The following ERVW-1 variants were observed in gnomAD, a reference collection of about 807,000 sequenced individuals.
ERVW-1 encodes the protein syncytin-1.
ERVW-1 carries 21 observed loss-of-function variants against 16.6 expected under a neutral mutation model. That is an observed-to-expected ratio of 1.26 (90% confidence interval 0.90 to 1.82). The LOEUF is 1.82. ERVW-1 is among the 40% of genes most tolerant of loss of function. The pLI is 0.00. For synonymous variants in ERVW-1, 161 were observed against 109.8 expected, an observed-to-expected ratio of 1.47 and a Z score of -2.92; for missense variants, 412 against 300.2, an observed-to-expected ratio of 1.37 and a Z score of -2.75.
Position 92,470,047 on chromosome 7 carries a change from G to T in ERVW-1, c.335C>A (p.Thr112Asn), listed in dbSNP as rs757185239. The change falls in exon 2 of 2, where the codon ACT becomes AAT. Residue 112 changes from threonine to asparagine, a missense_variant. By Grantham distance (65) the Thr-to-Asn change is moderately conservative. Transcript: ENST00000603053. ...VTVCWTYFTQ[T>N]GMSDGGGVQD... ...AACTCCACCCCCATCAGACATACCAGTTTGGGTGAAGTAAGTCCAACAGAC... is the reference window on the plus strand; with the variant it reads ...AACTCCACCCCCATCAGACATACCATTTTGGGTGAAGTAAGTCCAACAGAC... 21 of 778,660 alleles carry T rather than the reference G, an allele frequency of 2.7e-5. No homozygotes were observed. In the African/African-American group the frequency reaches 2.7e-4, roughly 10 times the overall value. The allele number at this position is 778,660 out of a possible 1,614,324, so 48.2% of individuals were successfully genotyped here.
chr7:92,473,579 T>G (rs1305405487), intron 1 of ERVW-1, among the ~76,000 whole-genome samples: 1 of 152,112 alleles, frequency 6.6e-6, no homozygotes. Flanking sequence ...TAATGGCCCC[T>G]GCTTTTGCTA....
At position 92,469,582 on chromosome 7, in the gene ERVW-1, C is replaced by T. The variant is rs1790239194; in HGVS notation, c.800G>A (p.Gly267Glu). 1.3e-6 allele frequency: 1 copy of T among 764,716 alleles called. No individual in the cohort carries two copies. Among genetic ancestry groups the T allele is most frequent in the Non-Finnish European group, 2.4e-6 (1 of 417,864 alleles). The allele number at this position is 764,716 out of a possible 1,614,324, so 47.4% of individuals were successfully genotyped here. The part of the protein sequence containing the change: ...PPTQIVCLPS[G>E]IFFVCGTSAY... Reference sequence around the variant, plus strand: ...TGAGGTACCACAGACAAAAAATATTCCTGAGGGTAGGCAGACTATTTGTGT... The same window carrying T: ...TGAGGTACCACAGACAAAAAATATTTCTGAGGGTAGGCAGACTATTTGTGT... Residue 267 changes from glycine (G) to glutamate (E), a missense_variant, in exon 2 of 2, where the codon GGA becomes GAA. Physicochemically the swap from Gly to Glu is moderately conservative, Grantham distance 98. Transcript: ENST00000603053.
In ERVW-1 at chr7:92,469,166, A is replaced by G. The variant is rs1220847297; in HGVS notation, c.1216T>C (p.Tyr406His). ...ACGATTCCGGATTGATTAACATAAT[A>G]ACAGCATTCTTCCCCTAAAAATAAA... is the stretch of plus-strand genomic sequence containing the variant. ...TCLFLGEECC[Y>H]YVNQSGIVTE... Residue 406 changes from tyrosine to histidine, a missense_variant, in exon 2 of 2, where the codon TAT becomes CAT. Coordinates refer to ENST00000603053, the MANE Select transcript of ERVW-1 (RefSeq NM_001130925.2). The G allele has an allele frequency of 1.1e-5, 8 of 709,992 alleles. No individual in the cohort carries two copies. Among genetic ancestry groups the G allele is most frequent in the Non-Finnish European group, 2.1e-5 (8 of 389,514 alleles). The allele number at this position is 709,992 out of a possible 1,614,324, so 44.0% of individuals were successfully genotyped here.
At position 92,470,612 on chromosome 7, in the gene ERVW-1, G is replaced by A; in HGVS notation, c.-227-4C>T. ...TAGGGTCCTTCCCAGGATGTATCTA[G>A]GGATGGGGAATTAGAGGGAAGGGAC... On this transcript the variant is annotated splice_region_variant and splice_polypyrimidine_tract_variant and intron_variant, in intron 1 of 1. Coordinates refer to ENST00000603053, the MANE Select transcript of ERVW-1 (RefSeq NM_001130925.2). 2.3e-6 allele frequency: 1 copy of A among 443,410 alleles called. No individual in the cohort carries two copies. The highest frequency in any genetic ancestry group is 4.1e-6 in the Non-Finnish European group (1 of 244,380). 27.5% of individuals were successfully genotyped at this position (443,410 alleles called of 1,614,324 possible).
chr7:92,476,106 C>G (rs1387888646), intron 1 of ERVW-1, among the ~76,000 whole-genome samples: 2 of 152,156 alleles, frequency 1.3e-5, no homozygotes, highest in Non-Finnish European at 2.9e-5. Flanking sequence ...CTGGTCGGAC[C>G]TTTGTATGGT....
Position 92,470,499 on chromosome 7 carries a change from C to T in ERVW-1, c.-118G>A. ...CTCCTGGATTTTCAGGTTCCTTTGG[C>T]AGTATCCAGGATTTGACTCAAGTGT... On this transcript the variant is annotated 5_prime_UTR_variant, in exon 2 of 2. Transcript: ENST00000603053. 1.7e-6 allele frequency: 1 copy of T among 597,968 alleles called. No individual in the cohort carries two copies. Among genetic ancestry groups the T allele is most frequent in the African/African-American group, 1.9e-5 (1 of 53,794 alleles). 37.0% of individuals were successfully genotyped at this position (597,968 alleles called of 1,614,324 possible).
rs761805886 is a variant in ERVW-1 at position 92,468,496 on chromosome 7, C to T, written c.*269G>A. The stretch of plus-strand genomic sequence containing the variant: ...CGAAGACTTGGGTTTATATCCCGAT[C>T]ATTGTCCCTCCTGCTGTGCTCTCAG... On this transcript the variant is annotated 3_prime_UTR_variant, in exon 2 of 2. Transcript: ENST00000603053. 1.0e-5 allele frequency: 3 copies of T among 288,128 alleles called. No homozygotes were observed. The highest frequency in any genetic ancestry group is 2.2e-5 in the African/African-American group (1 of 45,190). 17.8% of individuals were successfully genotyped at this position (288,128 alleles called of 1,614,324 possible).
rs368189106 is a variant in ERVW-1, at chr7:92,471,876, T to C, written c.-227-1268A>G. ...TAGGTAAGCATATTTAGAGTCTGTA[T>C]ATATATTTGCCCTTTTTTCTTCTCC... is the stretch of plus-strand genomic sequence containing the variant. On this transcript the variant is annotated intron_variant, in intron 1 of 1. Coordinates refer to ENST00000603053, the MANE Select transcript of ERVW-1 (RefSeq NM_001130925.2). 239 of 152,326 alleles carry C rather than the reference T, an allele frequency of 1.6e-3. 3 individuals are homozygous for C. Among genetic ancestry groups the C allele is most frequent in the African/African-American group, 5.6e-3 (232 of 41,568 alleles). The allele number at this position is 152,326 out of a possible 1,614,324, so 9.4% of individuals were successfully genotyped here. A position where few individuals can be genotyped will look rare whatever the true frequency, so the allele number is the denominator to read the frequency against.
Position 92,469,475 on chromosome 7 carries a change from G to A in ERVW-1, c.907C>T (p.Gln303Ter), listed in dbSNP as rs755860362. The A allele has an allele frequency of 3.9e-6, 3 of 767,768 alleles. No individual in the cohort carries two copies. The highest frequency in any genetic ancestry group is 7.2e-6 in the Non-Finnish European group (3 of 414,154). The allele number at this position is 767,768 out of a possible 1,614,324, so 47.6% of individuals were successfully genotyped here. The change falls in exon 2 of 2, where the codon CAA becomes TAA. Residue 303 changes from glutamine to a stop codon, truncating the protein, a stop_gained. Transcript: ENST00000603053. LOFTEE classifies it high-confidence loss of function. ...GATATGACATAACTGTATAAATCTT[G>A]TTCAGTGTAGATGGTCATAGGGGGC... is the stretch of plus-strand genomic sequence containing the variant. Reference protein sequence around the residue: ...LVPPMTIYTEQDLYSYVISKP... With the variant: ...LVPPMTIYTE
chr7:92,477,472 T>G lies in ERVW-1; in HGVS notation c.-318A>C, dbSNP rs2115978669. ...AGATGGTGGTGAACCACTTCCAAGA[T>G]GGTAGCAGGCCGCTTCCAAGATGGT... On this transcript the variant is annotated 5_prime_UTR_variant, in exon 1 of 2. Transcript: ENST00000603053. The G allele has an allele frequency of 6.6e-6, 1 of 152,412 alleles. No homozygotes were observed. Among genetic ancestry groups the G allele is most frequent in the East Asian group, 1.9e-4 (1 of 5,194 alleles). The allele number at this position is 152,412 out of a possible 1,614,324, so 9.4% of individuals were successfully genotyped here. A position where few individuals can be genotyped will look rare whatever the true frequency, so the allele number is the denominator to read the frequency against.
rs1046035790 is a variant in ERVW-1, at chr7:92,470,275, T to A, written c.107A>T (p.Glu36Val). ...RCMTSSSPYQ[E>V]FLWRMQRPGN... Reference sequence around the variant, plus strand: ...GGGACGCTGCATTCTCCATAGAAACTCTTGGTAAGGGGAGCTACTGGTCAT... The same window carrying A: ...GGGACGCTGCATTCTCCATAGAAACACTTGGTAAGGGGAGCTACTGGTCAT... Residue 36 changes from glutamate to valine, a missense_variant, in exon 2 of 2, where the codon GAG becomes GTG. By Grantham distance (121) the Glu-to-Val change is moderately radical. Coordinates refer to ENST00000603053, the MANE Select transcript of ERVW-1 (RefSeq NM_001130925.2). 5.1e-6 allele frequency: 4 copies of A among 778,380 alleles called. No homozygotes were observed. The highest frequency in any genetic ancestry group is 9.6e-6 in the Non-Finnish European group (4 of 417,860). The allele number at this position is 778,380 out of a possible 1,614,324, so 48.2% of individuals were successfully genotyped here.
At position 92,469,869 on chromosome 7, in the gene ERVW-1, G is replaced by T. The variant is rs200286887; in HGVS notation, c.513C>A (p.Thr171=). The part of the protein sequence containing the change: ...HTRLVSLFNT[T]LTGLHEVSAQ... ...CCGAGACCTCATGGAGCCCAGTGAGGGTGGTATTAAATAGGCTTACCAGGC... is the reference window on the plus strand; with the variant it reads ...CCGAGACCTCATGGAGCCCAGTGAGTGTGGTATTAAATAGGCTTACCAGGC... The change falls in exon 2 of 2, where the codon ACC becomes ACA. Residue 171 remains threonine, a synonymous_variant. Transcript: ENST00000603053. The T allele has an allele frequency of 7.7e-6, 6 of 777,250 alleles. No homozygotes were observed. Among genetic ancestry groups the T allele is most frequent in the Non-Finnish European group, 1.4e-5 (6 of 417,874 alleles). 48.1% of individuals were successfully genotyped at this position (777,250 alleles called of 1,614,324 possible).
At chr7:92,471,525 C>T (rs1357257683) in intron 1 of ERVW-1, 7 of 152,228 alleles carry the variant, frequency 4.6e-5, no homozygotes, top group East Asian at 1.9e-4. Context: ...AAACTGTCCT[C>T]GTGAGGTTCC....
chr7:92,470,023 A>G lies in ERVW-1; in HGVS notation c.359T>C (p.Val120Ala). 1.3e-6 allele frequency: 1 copy of G among 777,980 alleles called. No individual in the cohort carries two copies. Among genetic ancestry groups the G allele is most frequent in the South Asian group, 1.3e-5 (1 of 74,480 alleles). The allele number at this position is 777,980 out of a possible 1,614,324, so 48.2% of individuals were successfully genotyped here. A position where few individuals can be genotyped will look rare whatever the true frequency, so the allele number is the denominator to read the frequency against. ...ATGTTTTTCTCTTGCCTGATCTTGA[A>G]CTCCACCCCCATCAGACATACCAGT... ...TQTGMSDGGG[V>A]QDQAREKHVK... Residue 120 changes from valine (V) to alanine (A), a missense_variant, in exon 2 of 2, where the codon GTT becomes GCT. By Grantham distance (64) the Val-to-Ala change is moderately conservative. Coordinates refer to ENST00000603053, the MANE Select transcript of ERVW-1 (RefSeq NM_001130925.2).
In ERVW-1 at chr7:92,469,952, T is replaced by A. The variant is rs1790266370; in HGVS notation, c.430A>T (p.Ser144Cys). 1 of 777,718 alleles carries A rather than the reference T, an allele frequency of 1.3e-6. No homozygotes were observed. The highest frequency in any genetic ancestry group is 1.7e-5 in the African/African-American group (1 of 59,048). The allele number at this position is 777,718 out of a possible 1,614,324, so 48.2% of individuals were successfully genotyped here. Reference protein sequence around the residue: ...SQLTRVHGTSSPYKGLDLSKL... With the variant: ...SQLTRVHGTSCPYKGLDLSKL... ...GAGAGATCTAGTCCTTTGTAGGGGC[T>A]AGAGGTGCCATGTACCCGGGTGAGT... Residue 144 changes from serine (S) to cysteine (C), a missense_variant, in exon 2 of 2, where the codon AGC becomes TGC. Coordinates refer to ENST00000603053, the MANE Select transcript of ERVW-1 (RefSeq NM_001130925.2).
In ERVW-1 at chr7:92,470,501, G is replaced by C; in HGVS notation, c.-120C>G. On this transcript the variant is annotated 5_prime_UTR_variant, in exon 2 of 2. Coordinates refer to ENST00000603053, the MANE Select transcript of ERVW-1 (RefSeq NM_001130925.2). The stretch of plus-strand genomic sequence containing the variant: ...CCTGGATTTTCAGGTTCCTTTGGCA[G>C]TATCCAGGATTTGACTCAAGTGTGA... The C allele has an allele frequency of 1.7e-6, 1 of 596,338 alleles. No individual in the cohort carries two copies. The highest frequency in any genetic ancestry group is 3.0e-6 in the Non-Finnish European group (1 of 333,282). 36.9% of individuals were successfully genotyped at this position (596,338 alleles called of 1,614,324 possible). A position where few individuals can be genotyped will look rare whatever the true frequency, so the allele number is the denominator to read the frequency against.
intron 1 of ERVW-1, chr7:92,475,139 A>G (rs1790486615): frequency 6.6e-6 from 1 of 152,126 alleles, no homozygotes; most frequent in South Asian, 2.1e-4. Flanking sequence ...TCTACAAAAG[A>G]GGTCTAGCTG....
chr7:92,469,359 T>G lies in ERVW-1; in HGVS notation c.1023A>C (p.Thr341=). 1.3e-6 allele frequency: 1 copy of G among 766,472 alleles called. No homozygotes were observed. Among genetic ancestry groups the G allele is most frequent in the Non-Finnish European group, 2.4e-6 (1 of 417,884 alleles). 47.5% of individuals were successfully genotyped at this position (766,472 alleles called of 1,614,324 possible). Reference sequence around the variant, plus strand: ...GTTTGTAGTAGAACTGAGTAGAGGTTGTGATACCGCCAATGCCAGTACCTA... The same window carrying G: ...GTTTGTAGTAGAACTGAGTAGAGGTGGTGATACCGCCAATGCCAGTACCTA... ...GALGTGIGGI[T]TSTQFYYKLS... The change falls in exon 2 of 2, where the codon ACA becomes ACC. Residue 341 remains threonine (T), a synonymous_variant. Transcript: ENST00000603053.
chr7:92,476,097 T>G (rs1004906291), intron 1 of ERVW-1, among the ~76,000 whole-genome samples: 1 of 152,238 alleles, frequency 6.6e-6, no homozygotes, highest in Non-Finnish European at 1.5e-5. Flanking sequence ...CGCCTAGGTC[T>G]GGTCGGACCT....
Sources: allele counts gnomAD v4.1 joint callset (sites outside exome capture counted in the v4.1 genomes callset), GRCh38; gene constraint gnomAD v4.1.1; transcripts MANE v1.5; gene names NCBI Gene and HGNC (gene_info 2026-07-23, HGNC 2026-07-21).